CCSER1: variants seen among roughly 807,000 people sequenced by gnomAD.
CCSER1 encodes serine-rich coiled-coil domain-containing protein 1.
CCSER1 carries 41 observed loss-of-function variants against 82.0 expected under a neutral mutation model. That is an observed-to-expected ratio of 0.50 (90% CI 0.39 to 0.65). CCSER1 has a LOEUF of 0.65. Ranked by LOEUF, CCSER1 falls within the 30% of genes least tolerant of loss-of-function variation. CCSER1 has a pLI of 0.00. For synonymous variants in CCSER1, 414 were observed against 383.9 expected (o/e 1.08, Z -0.92); for missense variants, 1,119 against 1,064.2 (o/e 1.05, Z -0.72).
chr4:91,165,521 G>A (rs1332818879), intron 10 of CCSER1, among the ~76,000 whole-genome samples: 3 of 152,192 alleles, frequency 2.0e-5, no homozygotes, highest in Non-Finnish European at 2.9e-5. Flanking sequence ...GTTCAGCCAT[G>A]CCCTGCTCCC....
chr4:90,233,114 C>T (rs530794031), intron 1 of CCSER1, among the ~76,000 whole-genome samples: 6 of 152,044 alleles, frequency 3.9e-5, no homozygotes, highest in Non-Finnish European at 8.8e-5. Context: ...CCCAGCCATC[C>T]CATTACTGGG....
intron 7 of CCSER1, among the ~76,000 whole-genome samples, chr4:90,754,210 C>T (rs113096876): frequency 2.6e-5 from 4 of 152,264 alleles, no homozygotes; most frequent in African/African-American, 9.6e-5. Flanking sequence ...GGGACTTATT[C>T]ATCAATGTAT....
At chr4:91,189,343 A>G (rs1734824458) in intron 10 of CCSER1, among the ~76,000 whole-genome samples, 1 of 152,204 alleles carries the variant, frequency 6.6e-6, no homozygotes, top group South Asian at 2.1e-4. Flanking sequence ...TTTAGAGTAC[A>G]TGAATGTACT....
chr4:91,194,849 T>A (rs1735280477), intron 10 of CCSER1, among the ~76,000 whole-genome samples: 1 of 152,166 alleles, frequency 6.6e-6, no homozygotes, highest in Non-Finnish European at 1.5e-5. Context: ...TTACTTCTAT[T>A]TATGTAATTA....
intron 5 of CCSER1, among the ~76,000 whole-genome samples, chr4:90,534,365 G>A (rs373899224): frequency 5.5e-4 from 84 of 152,120 alleles, no homozygotes; most frequent in East Asian, 1.5e-3. Context: ...TTCTGACCTC[G>A]TGATCCGCCC....
intron 10 of CCSER1, among the ~76,000 whole-genome samples, chr4:91,466,465 A>G (rs954165436): frequency 9.2e-5 from 14 of 152,162 alleles, no homozygotes; most frequent in African/African-American, 3.4e-4. Context: ...GCCCTCTCTC[A>G]CCACTCCTAT....
intron 10 of CCSER1, among the ~76,000 whole-genome samples, chr4:91,327,179 C>G (rs1018308140): frequency 5.9e-5 from 9 of 152,232 alleles, no homozygotes; most frequent in Admixed American, 3.9e-4. Context: ...CCCCTCTGCA[C>G]TTCCCTAGTA....
chr4:91,349,445 G>A (rs1424369077), intron 10 of CCSER1, among the ~76,000 whole-genome samples: 1 of 152,024 alleles, frequency 6.6e-6, no homozygotes, highest in Non-Finnish European at 1.5e-5. Context: ...TTGTAGAAAG[G>A]CAAATGGTCT....
chr4:90,598,430 A>G (rs1389365876), intron 5 of CCSER1, among the ~76,000 whole-genome samples: 1 of 152,064 alleles, frequency 6.6e-6, no homozygotes, highest in Non-Finnish European at 1.5e-5. Flanking sequence ...ATTCCCACCA[A>G]CAGCATGCTA....
chr4:91,443,835 T>C (rs1419830438), intron 10 of CCSER1, among the ~76,000 whole-genome samples: 1 of 151,114 alleles, frequency 6.6e-6, no homozygotes, highest in South Asian at 2.1e-4. Flanking sequence ...TCCAATTATA[T>C]AGATATTTAA....
At chr4:90,903,773 G>A (rs368826050) in intron 8 of CCSER1, among the ~76,000 whole-genome samples, 1 of 149,906 alleles carries the variant, frequency 6.7e-6, no homozygotes, top group African/African-American at 2.5e-5. Context: ...AGGGGTGGAG[G>A]TTTCAGTGAG....
rs971881281 is a variant in CCSER1 at position 91,422,059 on chromosome 4, G to A, written c.2218-176513G>A. Among the ~76,000 whole-genome samples, 6 of 152,086 alleles carry A rather than the reference G, an allele frequency of 3.9e-5. No individual in the cohort carries two copies. The South Asian group carries it at 1.0e-3, about 26-fold the overall frequency. On this transcript the variant is annotated intron_variant, in intron 10 of 10. Coordinates refer to ENST00000509176, the MANE Select transcript of CCSER1 (RefSeq NM_001145065.2). ...GTTAACAACCTGCAAGTGCCTGGAA[G>A]TAAATTCTCTTCCAGAGCCTCCAGG...
intron 3 of CCSER1, among the ~76,000 whole-genome samples, chr4:90,398,800 C>T (rs1752394694): frequency 6.6e-6 from 1 of 152,094 alleles, no homozygotes; most frequent in African/African-American, 2.4e-5. Context: ...TACTTATCAC[C>T]TTTCAAACCA....
intron 1 of CCSER1, among the ~76,000 whole-genome samples, chr4:90,240,589 A>C (rs986175462): frequency 1.3e-5 from 2 of 152,214 alleles, no homozygotes; most frequent in Admixed American, 1.3e-4. Flanking sequence ...AGAAATACTT[A>C]AAAGAATTCT....
intron 10 of CCSER1, among the ~76,000 whole-genome samples, chr4:91,183,030 C>A (rs767777888): frequency 3.3e-5 from 5 of 152,218 alleles, no homozygotes; most frequent in Non-Finnish European, 7.3e-5. Context: ...GCATTAGCAA[C>A]TAGGTGGTCA....
chr4:90,682,052 G>A (rs1246813490), intron 6 of CCSER1, among the ~76,000 whole-genome samples: 1 of 151,128 alleles, frequency 6.6e-6, no homozygotes, highest in Non-Finnish European at 1.5e-5. Context: ...TAAACTACAA[G>A]TGCTTGCTGT....
At chr4:91,238,977 CCGT>C (rs1739238367) in intron 10 of CCSER1, among the ~76,000 whole-genome samples, 3 of 152,054 alleles carry the variant, frequency 2.0e-5, no homozygotes, top group Admixed American at 6.6e-5. Flanking sequence ...GTGCCCACCA[CCGT>C]GCCTGGCTAA....
intron 4 of CCSER1, among the ~76,000 whole-genome samples, chr4:90,412,200 A>C (rs1754967092): frequency 6.6e-6 from 1 of 151,450 alleles, no homozygotes; most frequent in Admixed American, 6.6e-5. Context: ...CATTCTCAGG[A>C]AACTATTGCA....
intron 10 of CCSER1, among the ~76,000 whole-genome samples, chr4:91,246,546 A>C (rs1480747465): frequency 6.6e-6 from 1 of 152,170 alleles, no homozygotes; most frequent in Non-Finnish European, 1.5e-5. Flanking sequence ...GTATATACCC[A>C]AAAGAAAGGA....
Sources: allele counts gnomAD v4.1 joint callset (sites outside exome capture counted in the v4.1 genomes callset), GRCh38; gene constraint gnomAD v4.1.1; transcripts MANE v1.5; gene names NCBI Gene and HGNC (gene_info 2026-07-23, HGNC 2026-07-21).